Variants in RRP9 observed in about 807,000 individuals in gnomAD.
The protein encoded by RRP9 is U3 small nucleolar RNA-interacting protein 2.
Under a neutral mutation model 65.5 loss-of-function variants are expected in RRP9, and 35 were observed. The observed-to-expected ratio is 0.53, with a 90% CI of 0.41 to 0.71. The LOEUF is 0.71. RRP9 is among the 30% of genes least tolerant of loss of function. The pLI, the probability that RRP9 is intolerant of heterozygous loss-of-function variation, is 0.00. For synonymous variants in RRP9, 254 were observed against 245.0 expected (o/e 1.04, Z -0.34); for missense variants, 533 against 633.6 (o/e 0.84, Z 1.70).
At position 51,939,153 on chromosome 3, in the gene RRP9, G is replaced by A. The variant is rs323901; in HGVS notation, c.171-949C>T. 7.3e-3 allele frequency among the ~76,000 whole-genome samples: 1,106 copies of A among 152,230 alleles called. 19 individuals are homozygous for A. The highest frequency in any genetic ancestry group is 0.025 in the African/African-American group (1,036 of 41,542). ...CTAGTCTCTGTCCACTCCCCTAACCGTGTTTCCCAAGACTCACTCGTAAAC... is the reference window on the plus strand; with the variant it reads ...CTAGTCTCTGTCCACTCCCCTAACCATGTTTCCCAAGACTCACTCGTAAAC... On this transcript the variant is annotated intron_variant, in intron 2 of 14. Transcript: ENST00000232888.
At chr3:51,939,277 C>G (rs1193407934) in intron 2 of RRP9, among the ~76,000 whole-genome samples, 2 of 152,258 alleles carry the variant, frequency 1.3e-5, no homozygotes, top group African/African-American at 4.8e-5. Flanking sequence ...CCTGGCAAGC[C>G]TTCAGCCAAC....
At chr3:51,938,269 C>T (rs1699481407) in intron 2 of RRP9, 65 bp from the exon 3 acceptor site, 2 of 1,231,028 alleles carry the variant, frequency 1.6e-6, no homozygotes, top group Non-Finnish European at 2.3e-6. Flanking sequence ...AGGATCGTGC[C>T]TTCTGGATGC....
At position 51,933,592 on chromosome 3, in the gene RRP9, G is replaced by C. The variant is rs747603929; in HGVS notation, c.1342C>G (p.Arg448Gly). Residue 448 changes from arginine to glycine, a missense_variant, in exon 15 of 15, where the codon CGA becomes GGA. This residue lies in a region of RRP9 where 449 missense variants were observed against 550.6 expected (regional missense o/e 0.82). Transcript: ENST00000232888. ...AGVGQEHRLG[R>G]WWRIKEARNS... Reference sequence around the variant, plus strand: ...CGAGCCTCTTTGATTCTCCACCATCGGCCAAGCCTGCAGGGAGTGCAAGAC... The same window carrying C: ...CGAGCCTCTTTGATTCTCCACCATCCGCCAAGCCTGCAGGGAGTGCAAGAC... 6.2e-7 allele frequency: 1 copy of C among 1,613,814 alleles called. No homozygotes were observed. Among genetic ancestry groups the C allele is most frequent in the South Asian group, 1.1e-5 (1 of 91,084 alleles).
In RRP9 at chr3:51,937,603, T is replaced by C. The variant is rs1353787663; in HGVS notation, c.349-17A>G. 1 of 1,614,204 alleles carries C rather than the reference T, an allele frequency of 6.2e-7. No homozygotes were observed. Reference sequence around the variant, plus strand: ...CTGCTCAAGCTGCATGGAGAAGAGATGGATGAGACCCTGGGAGCAGATCAG... The same window carrying C: ...CTGCTCAAGCTGCATGGAGAAGAGACGGATGAGACCCTGGGAGCAGATCAG... On this transcript the variant is annotated splice_polypyrimidine_tract_variant and intron_variant, in intron 4 of 14. Coordinates refer to ENST00000232888, the MANE Select transcript of RRP9 (RefSeq NM_004704.5). The surrounding 1 kb of genome is among the most constrained non-coding windows in gnomAD (Gnocchi z 5.0).
At position 51,937,461 on chromosome 3, in the gene RRP9, C is replaced by G; in HGVS notation, c.390+84G>C. ...CTACAACAACCAGATCCTTACCTGA[C>G]CAGATAGGCCCAAGTGTCCACCATG... On this transcript the variant is annotated intron_variant, in intron 5 of 14. Coordinates refer to ENST00000232888, the MANE Select transcript of RRP9 (RefSeq NM_004704.5). The surrounding 1 kb of genome is among the most constrained non-coding windows in gnomAD (Gnocchi z 5.0). The G allele has an allele frequency of 6.2e-7, 1 of 1,605,708 alleles. No individual in the cohort carries two copies. Among genetic ancestry groups the G allele is most frequent in the Non-Finnish European group, 8.5e-7 (1 of 1,172,578 alleles).
At chr3:51,938,583 A>G (rs1699483660) in intron 2 of RRP9, among the ~76,000 whole-genome samples, 1 of 152,224 alleles carries the variant, frequency 6.6e-6, no homozygotes, top group South Asian at 2.1e-4. Context: ...AGCCTCACAC[A>G]CAAAGCTCTG....
intron 13 of RRP9, 40 bp from the exon 14 acceptor site, chr3:51,933,821 C>T (rs751013706): frequency 6.4e-7 from 1 of 1,574,750 alleles, no homozygotes; most frequent in Admixed American, 1.7e-5. Context: ...TAGAACGCCC[C>T]CCGCCACCAC....
At position 51,937,122 on chromosome 3, in the gene RRP9, C is replaced by A; in HGVS notation, c.517+70G>T. 6.3e-7 allele frequency: 1 copy of A among 1,585,332 alleles called. No homozygotes were observed. The highest frequency in any genetic ancestry group is 1.1e-5 in the South Asian group (1 of 88,530). On this transcript the variant is annotated intron_variant, in intron 6 of 14. Transcript: ENST00000232888. This position sits in a 1 kb window ranked among gnomAD's most constrained non-coding sequence, Gnocchi z 5.0. ...TTCAGGGCTCAGCCTGCCATGACCA[C>A]TCCCACTCCCCTGACCAGCCCTCCC...
Position 51,937,947 on chromosome 3 carries a change from C to A in RRP9, c.280+148G>T. The A allele has an allele frequency of 1.1e-6, 1 of 904,526 alleles. No individual in the cohort carries two copies. Among genetic ancestry groups the A allele is most frequent in the East Asian group, 2.5e-5 (1 of 40,786 alleles). The allele number at this position is 904,526 out of a possible 1,614,324, so 56.0% of individuals were successfully genotyped here. A position where few individuals can be genotyped will look rare whatever the true frequency, so the allele number is the denominator to read the frequency against. The stretch of plus-strand genomic sequence containing the variant: ...CAGGAGGCCCATGAGAGCTTCTGGC[C>A]ACCCCCACAGGGCAGCCAGCACTGA... On this transcript the variant is annotated intron_variant, in intron 3 of 14. Transcript: ENST00000232888. The surrounding 1 kb of genome is among the most constrained non-coding windows in gnomAD (Gnocchi z 5.0).
Position 51,939,152 on chromosome 3 carries a change from C to T in RRP9, c.171-948G>A, listed in dbSNP as rs1055684590. The stretch of plus-strand genomic sequence containing the variant: ...TCTAGTCTCTGTCCACTCCCCTAAC[C>T]GTGTTTCCCAAGACTCACTCGTAAA... On this transcript the variant is annotated intron_variant, in intron 2 of 14. Transcript: ENST00000232888. 5.9e-5 allele frequency among the ~76,000 whole-genome samples: 9 copies of T among 152,298 alleles called. No homozygotes were observed. In the East Asian group the frequency reaches 9.6e-4, roughly 16 times the overall value.
intron 2 of RRP9, among the ~76,000 whole-genome samples, chr3:51,940,117 A>C (rs560122913): frequency 1.3e-5 from 2 of 152,220 alleles, no homozygotes; most frequent in East Asian, 3.9e-4. Flanking sequence ...TTAGCCAGGC[A>C]TGGTGGTGCA....
rs1699449271 is a variant in RRP9 at position 51,935,604 on chromosome 3, TAGG to T, written c.821_823del (p.Ser274del). 2 of 1,614,086 alleles carry T rather than the reference TAGG, an allele frequency of 1.2e-6. No homozygotes were observed. Among genetic ancestry groups the T allele is most frequent in the African/African-American group, 1.3e-5 (1 of 75,022 alleles). On this transcript the variant is annotated inframe_deletion, in exon 9 of 15. Coordinates refer to ENST00000232888, the MANE Select transcript of RRP9 (RefSeq NM_004704.5). ...CATCCACACTCACAGCGTCTCCACGTAGGAGTTCTCTGCCACATTCCACACCTT... is the reference window on the plus strand; with the variant it reads ...CATCCACACTCACAGCGTCTCCACGTAGTTCTCTGCCACATTCCACACCTT...
At chr3:51,941,513 C>G (rs368818312) in intron 1 of RRP9, 22 bp from the exon 2 acceptor site, 69 of 1,610,814 alleles carry the variant, frequency 4.3e-5, no homozygotes, top group Non-Finnish European at 5.6e-5. Context: ...ACGGTCTTTT[C>G]TTTGGTCAGG....
At position 51,941,556 on chromosome 3, in the gene RRP9, C is replaced by G. The variant is rs572344257; in HGVS notation, c.88-65G>C. On this transcript the variant is annotated intron_variant, in intron 1 of 14. Transcript: ENST00000232888. Reference sequence around the variant, plus strand: ...ACCACCCTGGCATTGACCAAGGGCCCCCCCCCCTCGGTTCCCTCAGAACCC... The same window carrying G: ...ACCACCCTGGCATTGACCAAGGGCCGCCCCCCCTCGGTTCCCTCAGAACCC... 647 of 1,447,126 alleles carry G rather than the reference C, an allele frequency of 4.5e-4. 4 individuals carry two copies. The African/African-American group carries it at 7.0e-3, about 16-fold the overall frequency. 89.6% of individuals were successfully genotyped at this position (1,447,126 alleles called of 1,614,324 possible).
chr3:51,937,676 T>A lies in RRP9; in HGVS notation c.341A>T (p.Glu114Val). Residue 114 changes from glutamate to valine, a missense_variant, in exon 4 of 15, where the codon GAG (glutamate) becomes GTG (valine). Physicochemically the swap from Glu to Val is moderately radical, Grantham distance 121. Coordinates refer to ENST00000232888, the MANE Select transcript of RRP9 (RefSeq NM_004704.5). The surrounding 1 kb of genome is among the most constrained non-coding windows in gnomAD (Gnocchi z 5.0). ...CTCTCCCTCCACACTTACCACATCC[T>A]CCTTCAGGCGCCCCGCCACCTGGTC... ...EEDQVAGRLK[E>V]DVLEQRGRLQ... 1 of 1,613,978 alleles carries A rather than the reference T, an allele frequency of 6.2e-7. No individual in the cohort carries two copies. The highest frequency in any genetic ancestry group is 8.5e-7 in the Non-Finnish European group (1 of 1,179,986).
chr3:51,941,541 C>T (rs372789441), intron 1 of RRP9, 50 bp from the exon 2 acceptor site: 15 of 1,533,524 alleles, frequency 9.8e-6, no homozygotes, highest in Non-Finnish European at 1.2e-5. Context: ...ACCACCCTGG[C>T]ATTGACCAAG....
chr3:51,935,444 T>C lies in RRP9; in HGVS notation c.869A>G (p.Asp290Gly). Residue 290 changes from aspartate (D) to glycine (G), a missense_variant, in exon 10 of 15, where the codon GAT becomes GGT. This residue lies in a region of RRP9 where 449 missense variants were observed against 550.6 expected (regional missense o/e 0.82). Coordinates refer to ENST00000232888, the MANE Select transcript of RRP9 (RefSeq NM_004704.5). Reference protein sequence around the residue: ...FGHQDAVAALDALSRECCVTA... With the variant: ...FGHQDAVAALGALSRECCVTA... Reference sequence around the variant, plus strand: ...CACACAGCACTCCCGGCTCAAGGCATCCAGTGCAGCCACAGCGTCCTGGTG... The same window carrying C: ...CACACAGCACTCCCGGCTCAAGGCACCCAGTGCAGCCACAGCGTCCTGGTG... 2 of 1,614,158 alleles carry C rather than the reference T, an allele frequency of 1.2e-6. No individual in the cohort carries two copies. Among genetic ancestry groups the C allele is most frequent in the Non-Finnish European group, 8.5e-7 (1 of 1,180,030 alleles).
chr3:51,940,528 G>T (rs908039826), intron 2 of RRP9, among the ~76,000 whole-genome samples: 1 of 150,850 alleles, frequency 6.6e-6, no homozygotes, highest in Non-Finnish European at 1.5e-5. Flanking sequence ...TTTGTGTGTG[G>T]TTTTTTTTTA....
Position 51,935,137 on chromosome 3 carries a change from G to A in RRP9, c.1034+60C>T, listed in dbSNP as rs545025624. 277 of 1,443,138 alleles carry A rather than the reference G, an allele frequency of 1.9e-4. 2 individuals carry two copies. Among genetic ancestry groups the A allele is most frequent in the South Asian group, 1.4e-3 (125 of 87,710 alleles). 89.4% of individuals were successfully genotyped at this position (1,443,138 alleles called of 1,614,324 possible). A position where few individuals can be genotyped will look rare whatever the true frequency, so the allele number is the denominator to read the frequency against. On this transcript the variant is annotated intron_variant, in intron 11 of 14. Transcript: ENST00000232888. Reference sequence around the variant, plus strand: ...TGCCCTGAGGCAAGCTCAGGGCCCCGTGGACAGCCAGCACTCAGGAGCAGA... The same window carrying A: ...TGCCCTGAGGCAAGCTCAGGGCCCCATGGACAGCCAGCACTCAGGAGCAGA...
Sources: allele counts gnomAD v4.1 joint callset (sites outside exome capture counted in the v4.1 genomes callset), GRCh38; gene constraint gnomAD v4.1.1; regional missense constraint gnomAD v4.1.1; non-coding constraint Gnocchi (gnomAD v3.1); transcripts MANE v1.5; gene names NCBI Gene and HGNC (gene_info 2026-07-23, HGNC 2026-07-21).